The following ISM1 variants were observed in gnomAD, a reference collection of about 807,000 sequenced individuals.
The protein encoded by ISM1 is isthmin 1.
A neutral mutation model predicts 46.3 loss-of-function variants in ISM1; 25 were observed. The observed-to-expected ratio is 0.54, with a 90% CI of 0.39 to 0.75. ISM1 has a LOEUF of 0.75. Ranked by LOEUF, ISM1 falls within the 30% of genes least tolerant of loss-of-function variation. The probability of loss-of-function intolerance (pLI) is 0.00; values close to 1 mark genes in which losing one functional copy is unlikely to be tolerated. For missense variants in ISM1, 536 were observed against 625.4 expected (o/e 0.86, Z 1.52); for synonymous variants, 255 against 256.7 (o/e 0.99, Z 0.06).
intron 1 of ISM1, among the ~76,000 whole-genome samples, chr20:13,236,085 C>T (rs1330511962): frequency 2.0e-5 from 3 of 152,090 alleles, no homozygotes; most frequent in South Asian, 2.1e-4. Flanking sequence ...CCACCACGCA[C>T]GGCTAATTTT....
chr20:13,307,941 G>A, the ISM1 span, among the ~76,000 whole-genome samples: 1 of 152,224 alleles, frequency 6.6e-6, no homozygotes, highest in Admixed American at 6.5e-5. Flanking sequence ...TCCATGGGGA[G>A]TGGAATTAGA....
chr20:13,287,272 G>A (rs550633182), intron 3 of ISM1, among the ~76,000 whole-genome samples: 33 of 152,298 alleles, frequency 2.2e-4, no homozygotes, highest in South Asian at 1.0e-3. Flanking sequence ...CATCTTACAT[G>A]GTGTCAGGCC....
intron 1 of ISM1, among the ~76,000 whole-genome samples, chr20:13,250,413 G>A (rs6134835): frequency 0.19 from 28,745 of 152,116 alleles, 2,815 homozygotes; most frequent in East Asian, 0.25. Flanking sequence ...GTCCTTGGGG[G>A]CATATGGAGT....
At position 13,263,350 on chromosome 20, in the gene ISM1, C is replaced by A. The variant is rs61637371; in HGVS notation, c.139-7154C>A. Among the ~76,000 whole-genome samples the A allele has an allele frequency of 9.2e-3, 1,396 of 151,972 alleles. 29 individuals are homozygous for A. The highest frequency in any genetic ancestry group is 0.03 in the African/African-American group (1,251 of 41,418). On this transcript the variant is annotated intron_variant, in intron 1 of 5. Transcript: ENST00000262487. ...CCAACAAGCCCCCCACCACCCCCTG[C>A]TTCCACTCCTAGGATCGTGGTCTCC...
rs75414194 is a variant in ISM1, at chr20:13,270,479, G to A, written c.139-25G>A. The A allele has an allele frequency of 2.6e-3, 4,135 of 1,595,698 alleles. 99 individuals carry two copies. In the African/African-American group the frequency reaches 0.05, roughly 19 times the overall value. ...TTTTAATCATGTGTCTCCTTAACAG[G>A]TGTTTGCTTGTTTGTTTGTTTTAGA... On this transcript the variant is annotated intron_variant, in intron 1 of 5. Coordinates refer to ENST00000262487, the MANE Select transcript of ISM1 (RefSeq NM_080826.2).
chr20:13,272,770 A>G (rs987893512), intron 2 of ISM1, among the ~76,000 whole-genome samples: 3 of 152,246 alleles, frequency 2.0e-5, no homozygotes, highest in Non-Finnish European at 4.4e-5. Flanking sequence ...GAATAGGTGC[A>G]GATTGGCAAG....
At chr20:13,263,456 C>A (rs1199846567) in intron 1 of ISM1, among the ~76,000 whole-genome samples, 1 of 152,032 alleles carries the variant, frequency 6.6e-6, no homozygotes, top group South Asian at 2.1e-4. Context: ...TTTATTCATT[C>A]TCCTGGTTTT....
the ISM1 span, among the ~76,000 whole-genome samples, chr20:13,306,334 GAA>G: frequency 1.3e-5 from 2 of 152,042 alleles, no homozygotes; most frequent in Non-Finnish European, 2.9e-5. Context: ...ATTTGCCATG[GAA>G]GAGAACAGTC....
chr20:13,233,054 G>C (rs1460835569), intron 1 of ISM1, among the ~76,000 whole-genome samples: 1 of 151,420 alleles, frequency 6.6e-6, no homozygotes, highest in Admixed American at 6.6e-5. Flanking sequence ...GGCCGGAAAA[G>C]TGTCCCAGAA....
At chr20:13,255,767 A>T (rs1227667926) in intron 1 of ISM1, among the ~76,000 whole-genome samples, 1 of 152,184 alleles carries the variant, frequency 6.6e-6, no homozygotes, top group Non-Finnish European at 1.5e-5. Flanking sequence ...TCTTTGCACC[A>T]TGCACAAATT....
At chr20:13,274,879 C>T (rs1312304963) in intron 2 of ISM1, among the ~76,000 whole-genome samples, 1 of 152,140 alleles carries the variant, frequency 6.6e-6, no homozygotes, top group Non-Finnish European at 1.5e-5. Context: ...CAAAAATGGT[C>T]TCAGACTACT....
chr20:13,292,506 C>A, intron 5 of ISM1, 43 bp downstream of exon 5: 1 of 1,228,292 alleles, frequency 8.1e-7, no homozygotes, highest in Non-Finnish European at 1.2e-6. Context: ...GACTTAGTGC[C>A]TCGGAGATTC....
At chr20:13,222,769 G>A (rs2123113509) in intron 1 of ISM1, among the ~76,000 whole-genome samples, 1 of 152,310 alleles carries the variant, frequency 6.6e-6, no homozygotes, top group East Asian at 1.9e-4. Context: ...CTATGTTAGC[G>A]CCTTTCCTTG....
Position 13,292,440 on chromosome 20 carries a change from A to G in ISM1, c.854A>G (p.Asn285Ser). 1 of 1,603,646 alleles carries G rather than the reference A, an allele frequency of 6.2e-7. No homozygotes were observed. Among genetic ancestry groups the G allele is most frequent in the African/African-American group, 1.3e-5 (1 of 74,930 alleles). Residue 285 changes from asparagine (N) to serine (S), a missense_variant, in exon 5 of 6, where the codon AAT becomes AGT. Coordinates refer to ENST00000262487, the MANE Select transcript of ISM1 (RefSeq NM_080826.2). ...VSLLAGSEEFNATKLFEVDTD... is the reference protein window; with the variant it reads ...VSLLAGSEEFSATKLFEVDTD... ...CTGCTTGCGGGAAGCGAGGAGTTTA[A>G]TGCCACCAAACTGTTTGAAGTTGGT...
At chr20:13,235,732 T>C (rs1165656854) in intron 1 of ISM1, among the ~76,000 whole-genome samples, 1 of 152,190 alleles carries the variant, frequency 6.6e-6, no homozygotes, top group Non-Finnish European at 1.5e-5. Flanking sequence ...TTACAAATTG[T>C]GTGCTACATG....
At chr20:13,223,960 G>C (rs1265619943) in intron 1 of ISM1, among the ~76,000 whole-genome samples, 1 of 152,098 alleles carries the variant, frequency 6.6e-6, no homozygotes, top group Non-Finnish European at 1.5e-5. Flanking sequence ...CGCTTGAACA[G>C]TAAGGTAATG....
At chr20:13,309,966 CTG>C in the ISM1 span, among the ~76,000 whole-genome samples, 1 of 152,056 alleles carries the variant, frequency 6.6e-6, no homozygotes, top group Non-Finnish European at 1.5e-5. Flanking sequence ...AAAAAATACT[CTG>C]TGTTTACGGA....
chr20:13,236,268 G>A (rs544306996), intron 1 of ISM1, among the ~76,000 whole-genome samples: 4 of 152,204 alleles, frequency 2.6e-5, no homozygotes, highest in Admixed American at 2.6e-4. Context: ...CAATTCTTAG[G>A]AGTAATACAG....
chr20:13,241,290 A>G (rs942524346), intron 1 of ISM1, among the ~76,000 whole-genome samples: 3 of 152,336 alleles, frequency 2.0e-5, no homozygotes, highest in South Asian at 4.1e-4. Context: ...AAGTCTTGCA[A>G]AAGTTTTACT....
Sources: gnomAD v4.1 joint callset for allele counts (sites outside exome capture counted in the v4.1 genomes callset) on GRCh38, gnomAD v4.1.1 for gene constraint, MANE v1.5 for transcripts, NCBI Gene and HGNC (gene_info 2026-07-23, HGNC 2026-07-21) for gene names.